ASPSCR1: variants seen among roughly 807,000 people sequenced by gnomAD.
ASPSCR1 encodes ASPSCR1 tether for SLC2A4, UBX domain containing, also known as tether containing UBX domain for GLUT4.
ASPSCR1 carries 55 observed loss-of-function variants against 68.9 expected under a neutral mutation model. The ratio of observed to expected loss-of-function variants is 0.80; its 90% CI spans 0.64 to 1.00. The LOEUF is 1.00. ASPSCR1 is among the 50% of genes least tolerant of loss of function. The pLI, the probability that ASPSCR1 is intolerant of heterozygous loss-of-function variation, is 0.00. For missense variants in ASPSCR1, 765 were observed against 762.2 expected (o/e 1.00, Z -0.04); for synonymous variants, 352 against 332.6 (o/e 1.06, Z -0.63).
intron 2 of ASPSCR1, among the ~76,000 whole-genome samples, chr17:81,981,245 G>T (rs2041785578): frequency 6.6e-6 from 1 of 152,180 alleles, no homozygotes; most frequent in African/African-American, 2.4e-5. Context: ...AGGGAAGAGA[G>T]CCTGCAGATG....
chr17:81,991,520 G>C (rs551701297), intron 4 of ASPSCR1, among the ~76,000 whole-genome samples: 1 of 152,274 alleles, frequency 6.6e-6, no homozygotes, highest in Non-Finnish European at 1.5e-5. Flanking sequence ...GCATGCTGCT[G>C]GGCCAGCTCA....
chr17:81,996,237 C>T (rs555096683), intron 6 of ASPSCR1, among the ~76,000 whole-genome samples, 172 bp downstream of exon 6: 16 of 151,986 alleles, frequency 1.1e-4, no homozygotes, highest in African/African-American at 3.4e-4. Context: ...TGGGCTGCCC[C>T]GACCTCATCT....
intron 4 of ASPSCR1, among the ~76,000 whole-genome samples, chr17:81,993,559 C>T (rs1357495238): frequency 1.3e-5 from 2 of 152,178 alleles, no homozygotes; most frequent in Admixed American, 6.5e-5. Flanking sequence ...GGTCGGGGCA[C>T]GGTGAGTGCA....
In ASPSCR1 at chr17:81,987,391, C is replaced by T. The variant is rs951434590; in HGVS notation, c.374+1784C>T. Among the ~76,000 whole-genome samples, 26 of 152,180 alleles carry T rather than the reference C, an allele frequency of 1.7e-4. No homozygotes were observed. Among genetic ancestry groups the T allele is most frequent in the South Asian group, 2.1e-4 (1 of 4,834 alleles). ...AGGGCAAGAAGAAAACCAAACAGCG[C>T]GGGGAACAGAAGTCAGGAAAGATGA... On this transcript the variant is annotated intron_variant, in intron 4 of 15. Coordinates refer to ENST00000306739, the MANE Select transcript of ASPSCR1 (RefSeq NM_024083.4). This position sits in a 1 kb window ranked among gnomAD's most constrained non-coding sequence, Gnocchi z 5.6.
intron 7 of ASPSCR1, among the ~76,000 whole-genome samples, chr17:81,997,344 C>T (rs2042384989): frequency 6.6e-6 from 1 of 152,112 alleles, no homozygotes; most frequent in Admixed American, 6.6e-5. Flanking sequence ...GTGGTAACTT[C>T]CGGGTTATGG....
chr17:81,994,903 C>A, intron 5 of ASPSCR1, 25 bp downstream of exon 5: 1 of 1,599,056 alleles, frequency 6.3e-7, no homozygotes, highest in Non-Finnish European at 8.5e-7. Flanking sequence ...CTTGCTCACC[C>A]AGTCCCCGCT....
chr17:81,992,489 C>T (rs548780624), intron 4 of ASPSCR1, among the ~76,000 whole-genome samples: 1 of 152,340 alleles, frequency 6.6e-6, no homozygotes, highest in African/African-American at 2.4e-5. Context: ...GCGGTCAGTG[C>T]CGGGGAAGGA....
intron 4 of ASPSCR1, among the ~76,000 whole-genome samples, chr17:81,994,311 C>T (rs1364963901): frequency 6.6e-6 from 1 of 152,242 alleles, no homozygotes; most frequent in Non-Finnish European, 1.5e-5. Context: ...GAGTGCAGCG[C>T]CCCTCCCTCC....
At chr17:81,979,998 T>C (rs1011005045) in intron 2 of ASPSCR1, among the ~76,000 whole-genome samples, 1 of 152,230 alleles carries the variant, frequency 6.6e-6, no homozygotes, top group African/African-American at 2.4e-5. Context: ...TGTTTTGTTT[T>C]TGAGACAGGG....
At chr17:81,995,861 G>T (rs1471920008) in intron 5 of ASPSCR1, 131 bp from the exon 6 acceptor site, 6 of 844,632 alleles carry the variant, frequency 7.1e-6, no homozygotes, top group African/African-American at 3.3e-5. Context: ...GGCCAGATGT[G>T]GGGGGTGGGT....
In ASPSCR1 at chr17:82,017,358, C is replaced by T; in HGVS notation, c.*36C>T. ...CCTGAGGTGCCCACTCCGCCAGCCA[C>T]AGGACCACCTCCTCTGCCAGCAGGA... On this transcript the variant is annotated 3_prime_UTR_variant, in exon 16 of 16. Transcript: ENST00000306739. The T allele has an allele frequency of 6.2e-7, 1 of 1,612,322 alleles. No individual in the cohort carries two copies. The highest frequency in any genetic ancestry group is 8.5e-7 in the Non-Finnish European group (1 of 1,179,852).
At position 81,986,301 on chromosome 17, in the gene ASPSCR1, G is replaced by A. The variant is rs1300553002; in HGVS notation, c.374+694G>A. 2.6e-5 allele frequency among the ~76,000 whole-genome samples: 4 copies of A among 152,124 alleles called. No homozygotes were observed. The highest frequency in any genetic ancestry group is 6.6e-5 in the Admixed American group (1 of 15,266). Reference sequence around the variant, plus strand: ...TAGGCCAGGCATAGTGCATGGTGGTGCGTGCCTGTGGTCCCAGCTATGCCA... The same window carrying A: ...TAGGCCAGGCATAGTGCATGGTGGTACGTGCCTGTGGTCCCAGCTATGCCA... On this transcript the variant is annotated intron_variant, in intron 4 of 15. Transcript: ENST00000306739. The surrounding 1 kb of genome is among the most constrained non-coding windows in gnomAD (Gnocchi z 5.2).
chr17:82,006,567 C>A (rs914805301), intron 7 of ASPSCR1: 1 of 152,252 alleles, frequency 6.6e-6, no homozygotes, highest in Non-Finnish European at 1.5e-5. Flanking sequence ...CTCCTCCTCC[C>A]TGTGTTGGAG....
chr17:81,994,276 G>A lies in ASPSCR1; in HGVS notation c.375-545G>A, dbSNP rs117380711. Among the ~76,000 whole-genome samples the A allele has an allele frequency of 2.8e-3, 428 of 152,346 alleles. 1 individual carries two copies. The highest frequency in any genetic ancestry group is 4.9e-3 in the Non-Finnish European group (332 of 68,032). On this transcript the variant is annotated intron_variant, in intron 4 of 15. Coordinates refer to ENST00000306739, the MANE Select transcript of ASPSCR1 (RefSeq NM_024083.4). ...ATGGACTTATAAGCACGGCCTCCCCGGCCACAGGCAAGCGGGCGTGAGCGG... is the reference window on the plus strand; with the variant it reads ...ATGGACTTATAAGCACGGCCTCCCCAGCCACAGGCAAGCGGGCGTGAGCGG...
intron 7 of ASPSCR1, chr17:82,008,796 G>C: frequency 2.1e-6 from 1 of 469,748 alleles, no homozygotes; most frequent in East Asian, 3.6e-5. Context: ...CAGGTCTGGT[G>C]CACTGACTGG....
intron 2 of ASPSCR1, among the ~76,000 whole-genome samples, chr17:81,980,573 G>A (rs1024260498): frequency 6.6e-6 from 1 of 152,204 alleles, no homozygotes; most frequent in African/African-American, 2.4e-5. Flanking sequence ...TTGGAAAGGA[G>A]GGCTTTATTT....
intron 5 of ASPSCR1, chr17:81,995,082 T>C (rs1488159841): frequency 1.8e-6 from 1 of 550,746 alleles, no homozygotes; most frequent in South Asian, 2.4e-5. Context: ...GCCCTGTTTG[T>C]TTTTTCAGCT....
intron 2 of ASPSCR1, 73 bp downstream of exon 2, chr17:81,979,312 A>C: frequency 3.3e-6 from 5 of 1,531,488 alleles, no homozygotes; most frequent in Non-Finnish European, 4.5e-6. Context: ...ACTGGCTCTC[A>C]CTTGGAAAAG....
chr17:82,010,064 C>T (rs1210251285), intron 9 of ASPSCR1: 1 of 342,060 alleles, frequency 2.9e-6, no homozygotes, highest in Non-Finnish European at 5.7e-6. Context: ...TACCCGCTAC[C>T]ACTAGCTCGG....
Sources: gnomAD v4.1 joint callset for allele counts (sites outside exome capture counted in the v4.1 genomes callset) on GRCh38, gnomAD v4.1.1 for gene constraint, Gnocchi (gnomAD v3.1) non-coding constraint, MANE v1.5 for transcripts, NCBI Gene and HGNC (gene_info 2026-07-23, HGNC 2026-07-21) for gene names.